STEAP4: variants seen among roughly 807,000 people sequenced by gnomAD.
STEAP4 encodes the protein metalloreductase STEAP4.
A neutral mutation model predicts 43.6 loss-of-function variants in STEAP4; 36 were observed. The observed-to-expected ratio is 0.83, with a 90% confidence interval of 0.63 to 1.09. The LOEUF (loss-of-function observed/expected upper bound fraction) is 1.09, where lower values mean the gene tolerates loss of function less well. Ranked by LOEUF, STEAP4 falls within the 50% of genes least tolerant of loss-of-function variation. The pLI, the probability that STEAP4 is intolerant of heterozygous loss-of-function variation, is 0.00. For missense variants in STEAP4, 495 were observed against 546.5 expected (o/e 0.91, Z 0.94); for synonymous variants, 191 against 196.7 (o/e 0.97, Z 0.24).
chr7:88,306,024 A>G (rs1424758428), intron 1 of STEAP4, among the ~76,000 whole-genome samples: 1 of 152,134 alleles, frequency 6.6e-6, no homozygotes, highest in African/African-American at 2.4e-5. Flanking sequence ...ACCTGCCACC[A>G]CGCCTGGCTA....
Position 88,282,876 on chromosome 7 carries a change from G to T in STEAP4, c.749C>A (p.Thr250Lys). ...AACCAAAGCAAGCAGTGTAAGTGCT[G>T]TTATTGGAAAGATACGATTTGGAAT... ...ISIPNRIFPI[T>K]ALTLLALVYL... The change falls in exon 3 of 5, where the codon ACA (threonine) becomes AAA (lysine). Residue 250 changes from threonine (T) to lysine (K), a missense_variant. Thr to Lys is a moderately conservative substitution (Grantham distance 78). Coordinates refer to ENST00000380079, the MANE Select transcript of STEAP4 (RefSeq NM_024636.4). 6.2e-7 allele frequency: 1 copy of T among 1,614,186 alleles called. No individual in the cohort carries two copies. Among genetic ancestry groups the T allele is most frequent in the Non-Finnish European group, 8.5e-7 (1 of 1,180,036 alleles).
In STEAP4 at chr7:88,271,212, A is replaced by G. The variant is rs180993478; in HGVS notation, c.*8186T>C. 134 of 152,242 alleles carry G rather than the reference A, an allele frequency of 8.8e-4. No individual in the cohort carries two copies. Among genetic ancestry groups the G allele is most frequent in the African/African-American group, 3.2e-3 (132 of 41,552 alleles). The allele number at this position is 152,242 out of a possible 1,614,324, so 9.4% of individuals were successfully genotyped here. A position where few individuals can be genotyped will look rare whatever the true frequency, so the allele number is the denominator to read the frequency against. ...CTTCCTATCCCCCATTACCTTTTAA[A>G]TTAAATTTATTTTAATAATTAGGTA... On this transcript the variant is annotated 3_prime_UTR_variant, in exon 5 of 5. Coordinates refer to ENST00000380079, the MANE Select transcript of STEAP4 (RefSeq NM_024636.4).
chr7:88,306,380 A>C (rs1853132154), intron 1 of STEAP4, among the ~76,000 whole-genome samples: 1 of 152,272 alleles, frequency 6.6e-6, no homozygotes. Flanking sequence ...AAGTGGTTGC[A>C]GGTATCAGGA....
intron 1 of STEAP4, among the ~76,000 whole-genome samples, chr7:88,289,593 A>T (rs934327509): frequency 1.3e-5 from 2 of 152,206 alleles, no homozygotes; most frequent in Non-Finnish European, 2.9e-5. Flanking sequence ...AAAGCAGAGC[A>T]TTTAGGCCTT....
intron 4 of STEAP4, 43 bp from the exon 5 acceptor site, chr7:88,279,671 A>G (rs1362733153): frequency 1.4e-6 from 2 of 1,480,312 alleles, no homozygotes; most frequent in African/African-American, 2.8e-5. Flanking sequence ...CATTATTTAC[A>G]TCTTAAAGTG....
chr7:88,283,580 A>T, intron 2 of STEAP4: 1 of 575,050 alleles, frequency 1.7e-6, no homozygotes. Context: ...AAGCCTCCAG[A>T]GGCTGACACC....
At chr7:88,297,601 T>A (rs1471579026) in intron 1 of STEAP4, among the ~76,000 whole-genome samples, 1 of 152,102 alleles carries the variant, frequency 6.6e-6, no homozygotes, top group Non-Finnish European at 1.5e-5. Context: ...AAAACACAAA[T>A]GTGTTTTAAT....
rs1302179360 is a variant in STEAP4, at chr7:88,273,989, AG to A, written c.*5408del. ...TGTCTTTAAAAATGTTTTTAAGAAG[AG>A]TTGCAGTGGTTTCGTTCACTTAGTC... On this transcript the variant is annotated 3_prime_UTR_variant, in exon 5 of 5. Coordinates refer to ENST00000380079, the MANE Select transcript of STEAP4 (RefSeq NM_024636.4). 3 of 152,248 alleles carry A rather than the reference AG, an allele frequency of 2.0e-5. No homozygotes were observed. The highest frequency in any genetic ancestry group is 7.2e-5 in the African/African-American group (3 of 41,470). 9.4% of individuals were successfully genotyped at this position (152,248 alleles called of 1,614,324 possible).
intron 1 of STEAP4, among the ~76,000 whole-genome samples, chr7:88,286,762 T>TAAACAC (rs1472398624): frequency 3.2e-4 from 33 of 103,160 alleles, no homozygotes; most frequent in Non-Finnish European, 5.9e-4. Context: ...TCCATACATA[T>TAAACAC]AAACACACAC....
rs1852567525 is a variant in STEAP4 at position 88,279,290 on chromosome 7, T to C, written c.*108A>G. On this transcript the variant is annotated 3_prime_UTR_variant, in exon 5 of 5. Coordinates refer to ENST00000380079, the MANE Select transcript of STEAP4 (RefSeq NM_024636.4). ...CTCAGTCACGGTGTAAGAAAAAAAC[T>C]TTCCTAACTGTACCCATCATTCTTC... The C allele has an allele frequency of 9.6e-7, 1 of 1,039,134 alleles. No individual in the cohort carries two copies. The highest frequency in any genetic ancestry group is 1.4e-6 in the Non-Finnish European group (1 of 715,894). 64.4% of individuals were successfully genotyped at this position (1,039,134 alleles called of 1,614,324 possible).
At position 88,277,130 on chromosome 7, in the gene STEAP4, TATCC is replaced by T. The variant is rs1306405560; in HGVS notation, c.*2264_*2267del. 6.6e-6 allele frequency: 1 copy of T among 152,218 alleles called. No individual in the cohort carries two copies. The highest frequency in any genetic ancestry group is 6.5e-5 in the Admixed American group (1 of 15,280). 9.4% of individuals were successfully genotyped at this position (152,218 alleles called of 1,614,324 possible). A position where few individuals can be genotyped will look rare whatever the true frequency, so the allele number is the denominator to read the frequency against. ...AACCAATGCTCAAGTAAAAGAGCAG[TATCC>T]AGCCCCAGCACACCTAACTGTTTTG... On this transcript the variant is annotated 3_prime_UTR_variant, in exon 5 of 5. Transcript: ENST00000380079.
intron 1 of STEAP4, chr7:88,304,190 T>TG (rs1853088752): frequency 6.6e-6 from 1 of 151,734 alleles, no homozygotes; most frequent in Admixed American, 6.6e-5. Flanking sequence ...TGTTGTGGGA[T>TG]GGGGGGAGTG....
chr7:88,284,675 T>C (rs148528604), intron 1 of STEAP4, among the ~76,000 whole-genome samples: 1,823 of 152,256 alleles, frequency 0.012, 36 homozygotes, highest in African/African-American at 0.041. Context: ...GTTGATCAAA[T>C]GGGGATTATT....
chr7:88,280,445 G>A (rs1852598685), intron 4 of STEAP4, among the ~76,000 whole-genome samples: 1 of 152,226 alleles, frequency 6.6e-6, no homozygotes, highest in Admixed American at 6.5e-5. Context: ...CTACAAGAAT[G>A]TGTAGTTACT....
chr7:88,284,453 G>A (rs904106950), intron 1 of STEAP4, among the ~76,000 whole-genome samples, 182 bp from the exon 2 acceptor site: 18 of 152,134 alleles, frequency 1.2e-4, no homozygotes, highest in African/African-American at 3.9e-4. Flanking sequence ...AAATTTGGAA[G>A]GAGTAAAAAT....
In STEAP4 at chr7:88,272,938, T is replaced by C. The variant is rs1035035748; in HGVS notation, c.*6460A>G. On this transcript the variant is annotated 3_prime_UTR_variant, in exon 5 of 5. Coordinates refer to ENST00000380079, the MANE Select transcript of STEAP4 (RefSeq NM_024636.4). ...GTAGAAGGCTAGCTATAACAGACTC[T>C]ATAGAAAATTCCTGCATTTGGTAGC... 6.6e-6 allele frequency: 1 copy of C among 152,228 alleles called. No individual in the cohort carries two copies. Among genetic ancestry groups the C allele is most frequent in the Non-Finnish European group, 1.5e-5 (1 of 68,042 alleles). 9.4% of individuals were successfully genotyped at this position (152,228 alleles called of 1,614,324 possible). A position where few individuals can be genotyped will look rare whatever the true frequency, so the allele number is the denominator to read the frequency against.
chr7:88,283,228 T>C, intron 2 of STEAP4, 60 bp from the exon 3 acceptor site: 1 of 1,474,284 alleles, frequency 6.8e-7, no homozygotes, highest in African/African-American at 1.4e-5. Flanking sequence ...TAATAATTAT[T>C]TTGAAAGGCT....
intron 1 of STEAP4, among the ~76,000 whole-genome samples, chr7:88,285,803 G>C (rs1262289542): frequency 6.8e-6 from 1 of 146,022 alleles, no homozygotes; most frequent in East Asian, 2.0e-4. Context: ...AAGAAAAGTA[G>C]AAAAATTTTA....
Position 88,297,558 on chromosome 7 carries a change from A to T in STEAP4, c.-3+9234T>A, listed in dbSNP as rs192925116. On this transcript the variant is annotated intron_variant, in intron 1 of 4. Coordinates refer to ENST00000380079, the MANE Select transcript of STEAP4 (RefSeq NM_024636.4). The stretch of plus-strand genomic sequence containing the variant: ...ATGAATACTTTTTTAGTGTAAGTAT[A>T]TCCCCTGCAATATTTGGGACACATT... Among the ~76,000 whole-genome samples, 15 of 152,266 alleles carry T rather than the reference A, an allele frequency of 9.9e-5. 1 individual carries two copies. The highest frequency in any genetic ancestry group is 9.2e-4 in the Admixed American group (14 of 15,282).
Sources: allele counts gnomAD v4.1 joint callset (sites outside exome capture counted in the v4.1 genomes callset), GRCh38; gene constraint gnomAD v4.1.1; transcripts MANE v1.5; gene names NCBI Gene and HGNC (gene_info 2026-07-23, HGNC 2026-07-21).